The following HDAC8 variants were observed in gnomAD, a reference collection of about 807,000 sequenced individuals.
HDAC8 encodes histone deacetylase-like 1.
HDAC8 carries 1 observed loss-of-function variant against 32.2 expected under a neutral mutation model. That is an observed-to-expected ratio of 0.03 (90% CI 0.01 to 0.15). HDAC8 has a LOEUF of 0.15. Ranked by LOEUF, HDAC8 falls within the 10% of genes least tolerant of loss-of-function variation. The pLI is 1.00. For missense variants in HDAC8, 117 were observed against 300.0 expected (o/e 0.39, Z 4.51); for synonymous variants, 108 against 113.9 (o/e 0.95, Z 0.33).
chrX:72,393,847 T>A (rs2045681722), intron 9 of HDAC8, among the ~76,000 whole-genome samples: 1 of 112,178 alleles, frequency 8.9e-6, no homozygotes, highest in African/African-American at 3.2e-5. Context: ...GTTCTTGTTT[T>A]TTTATTTAAT....
chrX:72,515,185 C>T (rs1200207232), intron 4 of HDAC8, among the ~76,000 whole-genome samples: 2 of 110,749 alleles, frequency 1.8e-5, no homozygotes, highest in Non-Finnish European at 3.8e-5. Flanking sequence ...ATCCCCTGAC[C>T]AACATCTCCC....
intron 9 of HDAC8, among the ~76,000 whole-genome samples, chrX:72,410,725 T>C (rs1179378894): frequency 8.9e-6 from 1 of 111,969 alleles, no homozygotes; most frequent in Non-Finnish European, 1.9e-5. Flanking sequence ...CTATCTGGAC[T>C]ACTGGATTAG....
At chrX:72,565,777 C>G (rs781791765) in intron 4 of HDAC8, among the ~76,000 whole-genome samples, 4 of 111,544 alleles carry the variant, frequency 3.6e-5, no homozygotes, top group Non-Finnish European at 7.5e-5. Context: ...GCTTAGCTTT[C>G]TCCTTTCACT....
intron 9 of HDAC8, among the ~76,000 whole-genome samples, chrX:72,442,274 G>A (rs1215085307): frequency 1.8e-5 from 2 of 111,147 alleles, no homozygotes; most frequent in African/African-American, 6.6e-5. Flanking sequence ...AATGTTAAGG[G>A]CAGCCAGAGA....
Position 72,490,946 on chromosome X carries a change from G to A in HDAC8, c.611C>T (p.Ser204Phe). ...KVMTVSLHKF[S>F]PGFFPGTGDV... Reference sequence around the variant, plus strand: ...TCACTTGCCTGGGAAAAATCCTGGGGAGAATTTGTGCAGGGACACGGTCAT... The same window carrying A: ...TCACTTGCCTGGGAAAAATCCTGGGAAGAATTTGTGCAGGGACACGGTCAT... Residue 204 changes from serine (S) to phenylalanine (F), a missense_variant, in exon 6 of 11, where the codon TCC becomes TTC. Coordinates refer to ENST00000373573, the MANE Select transcript of HDAC8 (RefSeq NM_018486.3). 1 of 1,204,649 alleles carries A rather than the reference G, an allele frequency of 8.3e-7. No homozygotes were observed. The highest frequency in any genetic ancestry group is 1.1e-6 in the Non-Finnish European group (1 of 889,372).
chrX:72,361,934 T>G (rs1196009258), intron 9 of HDAC8, among the ~76,000 whole-genome samples: 1 of 111,732 alleles, frequency 8.9e-6, no homozygotes, highest in Non-Finnish European at 1.9e-5. Flanking sequence ...GTAATACAGT[T>G]AAGAGATATG....
chrX:72,372,384 C>T (rs1336836053), intron 9 of HDAC8, among the ~76,000 whole-genome samples: 1 of 107,333 alleles, frequency 9.3e-6, no homozygotes, highest in East Asian at 2.9e-4. Context: ...TGAGCTCTTT[C>T]AGGATAGAGA....
Position 72,387,775 on chromosome X carries a change from C to A in HDAC8, c.1006-35937G>T, listed in dbSNP as rs1256171996. ...CTGAGTACCTGCTTGTTTCCAGGGA[C>A]TGTGGTAGGAATTAGGGATGCAGGG... is the stretch of plus-strand genomic sequence containing the variant. On this transcript the variant is annotated intron_variant, in intron 9 of 10. Coordinates refer to ENST00000373573, the MANE Select transcript of HDAC8 (RefSeq NM_018486.3). 3.6e-5 allele frequency among the ~76,000 whole-genome samples: 4 copies of A among 111,794 alleles called. No homozygotes were observed. The Admixed American group carries it at 3.8e-4, about 11-fold the overall frequency.
chrX:72,412,644 G>A (rs2046226156), intron 9 of HDAC8, among the ~76,000 whole-genome samples: 1 of 111,750 alleles, frequency 8.9e-6, no homozygotes, highest in South Asian at 3.7e-4. Flanking sequence ...TTTAAGAAAT[G>A]AGCCATAAAT....
intron 4 of HDAC8, among the ~76,000 whole-genome samples, chrX:72,524,870 T>C (rs911508254): frequency 9.0e-6 from 1 of 111,464 alleles, no homozygotes; most frequent in African/African-American, 3.3e-5. Flanking sequence ...TTACTAGTTC[T>C]GAACTCTCTC....
intron 9 of HDAC8, among the ~76,000 whole-genome samples, chrX:72,409,538 A>T (rs1555969626): frequency 1.8e-5 from 2 of 112,449 alleles, no homozygotes; most frequent in African/African-American, 6.5e-5. Flanking sequence ...TAATTCAAAC[A>T]TATTCTGCCC....
At chrX:72,353,778 C>T (rs997104606) in intron 9 of HDAC8, among the ~76,000 whole-genome samples, 16 of 111,578 alleles carry the variant, frequency 1.4e-4, no homozygotes, top group Non-Finnish European at 2.3e-4. Context: ...AGAAAGGCAG[C>T]TGCAATGAAG....
intron 9 of HDAC8, among the ~76,000 whole-genome samples, chrX:72,439,639 CAAAA>C (rs782744436): frequency 1.9e-3 from 69 of 36,202 alleles, no homozygotes; most frequent in Middle Eastern, 0.026. Context: ...AAATGGAAAG[CAAAA>C]AAAAAAAAAA....
At chrX:72,369,701 G>A (rs2044811155) in intron 9 of HDAC8, among the ~76,000 whole-genome samples, 2 of 112,430 alleles carry the variant, frequency 1.8e-5, no homozygotes, top group African/African-American at 6.5e-5. Context: ...GTAGGGACCA[G>A]GAGCAACAAG....
At chrX:72,549,303 T>TC (rs202155127) in intron 4 of HDAC8, among the ~76,000 whole-genome samples, 1,639 of 108,065 alleles carry the variant, frequency 0.015, 18 homozygotes, top group African/African-American at 0.046. Flanking sequence ...ATTTGTTTGT[T>TC]CCCCCCCCGC....
chrX:72,453,141 A>T (rs1333041086), intron 9 of HDAC8, among the ~76,000 whole-genome samples: 1 of 106,957 alleles, frequency 9.3e-6, no homozygotes, highest in African/African-American at 3.5e-5. Flanking sequence ...GGGAGAAATA[A>T]AAGACTGAAA....
intron 9 of HDAC8, among the ~76,000 whole-genome samples, chrX:72,371,911 T>C (rs1361441928): frequency 9.0e-6 from 1 of 111,282 alleles, no homozygotes; most frequent in Admixed American, 9.6e-5. Flanking sequence ...TAAACAAGCA[T>C]GTACATGTCA....
chrX:72,339,477 G>C (rs927697223), intron 10 of HDAC8, among the ~76,000 whole-genome samples: 1 of 112,671 alleles, frequency 8.9e-6, no homozygotes, highest in Non-Finnish European at 1.9e-5. Context: ...AGGCTTCACA[G>C]AGTAGGTGGT....
chrX:72,441,411 G>A (rs1426786477), intron 9 of HDAC8, among the ~76,000 whole-genome samples: 3 of 112,074 alleles, frequency 2.7e-5, no homozygotes. Context: ...ACCGCTGCTG[G>A]TACCCAGGCA....
Sources: gnomAD v4.1 joint callset for allele counts (sites outside exome capture counted in the v4.1 genomes callset) on GRCh38, gnomAD v4.1.1 for gene constraint, MANE v1.5 for transcripts, NCBI Gene and HGNC (gene_info 2026-07-23, HGNC 2026-07-21) for gene names.